Variants in IL1RAPL1 observed in about 807,000 individuals in gnomAD.
IL1RAPL1 encodes interleukin 1 receptor accessory protein like 1.
Under a neutral mutation model 48.4 loss-of-function variants are expected in IL1RAPL1, and 3 were observed. That is an observed-to-expected ratio of 0.06 (90% CI 0.03 to 0.16). The LOEUF (loss-of-function observed/expected upper bound fraction) is 0.16. IL1RAPL1 is among the 10% of genes least tolerant of loss of function. The pLI, the probability that IL1RAPL1 is intolerant of heterozygous loss-of-function variation, is 1.00. For missense variants in IL1RAPL1, 349 were observed against 530.6 expected (o/e 0.66, Z 3.36); for synonymous variants, 185 against 187.7 (o/e 0.99, Z 0.12).
intron 1 of IL1RAPL1, among the ~76,000 whole-genome samples, chrX:28,739,101 T>C (rs1038270058): frequency 2.7e-5 from 3 of 111,357 alleles, no homozygotes; most frequent in African/African-American, 9.8e-5. Flanking sequence ...GCATTCCTCC[T>C]CTGGGTCTTG....
chrX:29,950,870 A>G (rs1040665963), intron 9 of IL1RAPL1, among the ~76,000 whole-genome samples: 7 of 109,916 alleles, frequency 6.4e-5, no homozygotes, highest in Non-Finnish European at 1.1e-4. Flanking sequence ...AGTAGAGACG[A>G]GGTTTCACCG....
At chrX:29,290,489 T>G (rs774364322) in intron 3 of IL1RAPL1, among the ~76,000 whole-genome samples, 16 of 112,680 alleles carry the variant, frequency 1.4e-4, no homozygotes, top group Non-Finnish European at 2.8e-4. Context: ...CAATACATAT[T>G]TATTTCTGGA....
chrX:28,954,743 AC>A (rs1276330257), intron 2 of IL1RAPL1, among the ~76,000 whole-genome samples: 1 of 111,839 alleles, frequency 8.9e-6, no homozygotes, highest in African/African-American at 3.2e-5. Flanking sequence ...ATCTCTTCAA[AC>A]AAAATGGAAA....
Position 29,580,779 on chromosome X carries a change from C to T in IL1RAPL1, c.704-87651C>T, listed in dbSNP as rs1168332669. On this transcript the variant is annotated intron_variant, in intron 5 of 10. Transcript: ENST00000378993. The stretch of plus-strand genomic sequence containing the variant: ...AATTTGAACGCAGATGACTAGACAT[C>T]TCAATGTATAAGATGTGAAACAGGA... 2.7e-5 allele frequency among the ~76,000 whole-genome samples: 3 copies of T among 111,922 alleles called. No individual in the cohort carries two copies. The Admixed American group carries it at 2.9e-4, about 11-fold the overall frequency.
Position 29,427,973 on chromosome X carries a change from G to A in IL1RAPL1, c.703+28665G>A, listed in dbSNP as rs142485138. Among the ~76,000 whole-genome samples, 421 of 111,841 alleles carry A rather than the reference G, an allele frequency of 3.8e-3. 2 individuals carry two copies. The highest frequency in any genetic ancestry group is 0.019 in the Middle Eastern group (4 of 215). On this transcript the variant is annotated intron_variant, in intron 5 of 10. Transcript: ENST00000378993. ...TTAAACTGTAAACTAAATTCCTCCC[G>A]TAGTTATCTGGGCCTACATCCAGGA...
At chrX:28,724,312 ATCT>A (rs1450542026) in intron 1 of IL1RAPL1, among the ~76,000 whole-genome samples, 1 of 111,351 alleles carries the variant, frequency 9.0e-6, no homozygotes, top group Non-Finnish European at 1.9e-5. Context: ...AGATAGTTAG[ATCT>A]TCTTGTTGAA....
At chrX:29,341,512 G>C (rs1345885109) in intron 3 of IL1RAPL1, among the ~76,000 whole-genome samples, 1 of 111,917 alleles carries the variant, frequency 8.9e-6, no homozygotes, top group East Asian at 2.8e-4. Context: ...TTGGAATAAT[G>C]ATGACTAAAC....
In IL1RAPL1 at chrX:29,642,147, G is replaced by A. The variant is rs145141077; in HGVS notation, c.704-26283G>A. Among the ~76,000 whole-genome samples, 7 of 112,437 alleles carry A rather than the reference G, an allele frequency of 6.2e-5. No individual in the cohort carries two copies. The East Asian group carries it at 8.4e-4, about 14-fold the overall frequency. On this transcript the variant is annotated intron_variant, in intron 5 of 10. Coordinates refer to ENST00000378993, the MANE Select transcript of IL1RAPL1 (RefSeq NM_014271.4). ...GCTTTTATCCACTTTCAGGATAACC[G>A]TAATGTTTGCAACTCATCTTCTGTG...
At chrX:29,651,437 C>CAA (rs376172812) in intron 5 of IL1RAPL1, among the ~76,000 whole-genome samples, 6,325 of 106,183 alleles carry the variant, frequency 0.06, 212 homozygotes, top group Middle Eastern at 0.19. Flanking sequence ...ACTGTTTAGC[C>CAA]AAAAAAAAAT....
At chrX:28,766,821 C>T (rs923682529) in intron 1 of IL1RAPL1, among the ~76,000 whole-genome samples, 1 of 111,739 alleles carries the variant, frequency 8.9e-6, no homozygotes, top group African/African-American at 3.2e-5. Flanking sequence ...GCTTATTTCA[C>T]TCAACATAAT....
chrX:29,324,257 A>G (rs1446109590), intron 3 of IL1RAPL1, among the ~76,000 whole-genome samples: 1 of 111,461 alleles, frequency 9.0e-6, no homozygotes, highest in East Asian at 2.8e-4. Flanking sequence ...ACACCTCTAT[A>G]AAAAGAGAGA....
At chrX:29,586,383 C>G (rs1923161546) in intron 5 of IL1RAPL1, among the ~76,000 whole-genome samples, 1 of 111,308 alleles carries the variant, frequency 9.0e-6, no homozygotes, top group African/African-American at 3.3e-5. Flanking sequence ...TCTGGGTTCT[C>G]TATTCTGTTA....
At chrX:29,322,772 C>G (rs962571166) in intron 3 of IL1RAPL1, among the ~76,000 whole-genome samples, 5 of 110,900 alleles carry the variant, frequency 4.5e-5, no homozygotes, top group Non-Finnish European at 7.5e-5. Flanking sequence ...GGTTTTACAT[C>G]TAAAACCAGA....
chrX:29,908,573 T>G (rs1294702994), intron 6 of IL1RAPL1, among the ~76,000 whole-genome samples: 1 of 110,753 alleles, frequency 9.0e-6, no homozygotes, highest in Non-Finnish European at 1.9e-5. Context: ...CCACATAGAC[T>G]CCATTTGATC....
intron 1 of IL1RAPL1, among the ~76,000 whole-genome samples, chrX:28,693,634 T>C (rs985666085): frequency 8.9e-6 from 1 of 112,418 alleles, no homozygotes. Context: ...TTAAATTGGA[T>C]GAATCTTTTT....
intron 1 of IL1RAPL1, among the ~76,000 whole-genome samples, chrX:28,705,162 C>G (rs1402387165): frequency 9.0e-6 from 1 of 111,365 alleles, no homozygotes; most frequent in Non-Finnish European, 1.9e-5. Flanking sequence ...GAGAAATTGA[C>G]AAATTCAGGA....
At chrX:28,783,194 C>A (rs1442105717) in intron 1 of IL1RAPL1, among the ~76,000 whole-genome samples, 1 of 111,586 alleles carries the variant, frequency 9.0e-6, no homozygotes, top group Non-Finnish European at 1.9e-5. Context: ...CATTCCACAG[C>A]ATTTTGTGTT....
chrX:29,164,167 T>C (rs976275280), intron 2 of IL1RAPL1, among the ~76,000 whole-genome samples: 1 of 111,624 alleles, frequency 9.0e-6, no homozygotes, highest in African/African-American at 3.2e-5. Context: ...CACTTCTTCC[T>C]TTGTGACCTG....
At chrX:28,974,978 G>T (rs895012027) in intron 2 of IL1RAPL1, among the ~76,000 whole-genome samples, 8 of 112,156 alleles carry the variant, frequency 7.1e-5, no homozygotes, top group Non-Finnish European at 1.1e-4. Context: ...AGTGGAACAT[G>T]GAAGTTTTTC....
Sources: gnomAD v4.1 joint callset for allele counts (sites outside exome capture counted in the v4.1 genomes callset) on GRCh38, gnomAD v4.1.1 for gene constraint, MANE v1.5 for transcripts, NCBI Gene and HGNC (gene_info 2026-07-23, HGNC 2026-07-21) for gene names.